The following ARHGEF4 variants were observed in gnomAD, a reference collection of about 807,000 sequenced individuals.
The protein encoded by ARHGEF4 is APC-stimulated guanine nucleotide exchange factor 1.
Under a neutral mutation model 162.0 loss-of-function variants are expected in ARHGEF4, and 119 were observed. The ratio of observed to expected loss-of-function variants is 0.73; its 90% CI spans 0.63 to 0.86. ARHGEF4 has a LOEUF of 0.86. ARHGEF4 is among the 40% of genes least tolerant of loss of function. The pLI, the probability that ARHGEF4 is intolerant of heterozygous loss-of-function variation, is 0.00. For synonymous variants in ARHGEF4, 1,014 were observed against 979.9 expected (o/e 1.03, Z -0.65); for missense variants, 2,488 against 2,456.0 (o/e 1.01, Z -0.28).
Position 130,916,795 on chromosome 2 carries a change from G to C in ARHGEF4, c.2849G>C (p.Gly950Ala). Reference protein sequence around the residue: ...GEKEKSRLRQGSWRAFLKSKD... With the variant: ...GEKEKSRLRQASWRAFLKSKD... ...AAGGAGAAGAGCAGGCTGCGCCAGG[G>C]TTCCTGGCGGGCGTTTCTGAAAAGC... The change falls in exon 2 of 14, where the codon GGT (glycine) becomes GCT (alanine). Residue 950 changes from glycine to alanine, a missense_variant. This residue lies in a region of ARHGEF4 where 1,642 missense variants were observed against 1,481.5 expected (regional missense o/e 1.11). Coordinates refer to ENST00000409359, the MANE Select transcript of ARHGEF4 (RefSeq NM_001367493.1). 3.9e-6 allele frequency: 6 copies of C among 1,550,452 alleles called. No individual in the cohort carries two copies. Among genetic ancestry groups the C allele is most frequent in the Non-Finnish European group, 5.2e-6 (6 of 1,147,010 alleles).
chr2:130,966,168 C>G (rs532578297), intron 4 of ARHGEF4, among the ~76,000 whole-genome samples: 8 of 152,332 alleles, frequency 5.3e-5, no homozygotes, highest in Non-Finnish European at 1.0e-4. Flanking sequence ...TCTTCATCCT[C>G]TCTGCCCCCA....
chr2:131,036,836 C>T (rs748058036), intron 5 of ARHGEF4, among the ~76,000 whole-genome samples: 3 of 152,340 alleles, frequency 2.0e-5, no homozygotes, highest in East Asian at 1.9e-4. Context: ...CTACAGCTCA[C>T]GCTCTCACTG....
chr2:130,988,525 A>G (rs1686672693), intron 4 of ARHGEF4, among the ~76,000 whole-genome samples: 1 of 152,214 alleles, frequency 6.6e-6, no homozygotes, highest in Admixed American at 6.5e-5. Flanking sequence ...CAAATCTCCA[A>G]CCCAGAAACA....
intron 4 of ARHGEF4, among the ~76,000 whole-genome samples, chr2:130,978,706 T>TA (rs1408209512): frequency 1.3e-5 from 2 of 151,328 alleles, no homozygotes; most frequent in East Asian, 3.9e-4. Context: ...TTTACAAAAG[T>TA]ATACTCAATA....
intron 1 of ARHGEF4, among the ~76,000 whole-genome samples, chr2:130,898,956 CATA>C (rs1364982083): frequency 6.6e-6 from 1 of 152,110 alleles, no homozygotes; most frequent in Non-Finnish European, 1.5e-5. Context: ...GCATGCAGCT[CATA>C]TTCCCAGCTT....
intron 2 of ARHGEF4, among the ~76,000 whole-genome samples, chr2:130,920,135 G>T (rs541673804): frequency 3.3e-5 from 5 of 152,122 alleles, no homozygotes; most frequent in African/African-American, 1.2e-4. Flanking sequence ...TTGATTCAGC[G>T]TCTTGCTCTG....
chr2:130,997,779 G>A (rs761302136), intron 4 of ARHGEF4, among the ~76,000 whole-genome samples: 56 of 152,274 alleles, frequency 3.7e-4, no homozygotes, highest in Non-Finnish European at 4.7e-4. Context: ...TTAGGGAACC[G>A]TTTGAGTATA....
rs895171440 is a variant in ARHGEF4, at chr2:130,914,681, C to T, written c.735C>T (p.His245=). 7.2e-7 allele frequency: 1 copy of T among 1,394,424 alleles called. No individual in the cohort carries two copies. The highest frequency in any genetic ancestry group is 9.3e-7 in the Non-Finnish European group (1 of 1,080,904). The allele number at this position is 1,394,424 out of a possible 1,614,324, so 86.4% of individuals were successfully genotyped here. A position where few individuals can be genotyped will look rare whatever the true frequency, so the allele number is the denominator to read the frequency against. The change falls in exon 2 of 14, where the codon CAC becomes CAT. Residue 245 remains histidine (H), a synonymous_variant. Transcript: ENST00000409359. ...TGGGTCGGAGTTGGCCACATATCCACAACAGGGCCAGGGCACTGGTGCTAC... is the reference window on the plus strand; with the variant it reads ...TGGGTCGGAGTTGGCCACATATCCATAACAGGGCCAGGGCACTGGTGCTAC... ...CELGRSWPHI[H]NRARALVLPS... is the part of the protein sequence containing the mutation.
intron 1 of ARHGEF4, among the ~76,000 whole-genome samples, chr2:130,907,989 G>C (rs1329988828): frequency 1.3e-5 from 2 of 151,798 alleles, no homozygotes; most frequent in Non-Finnish European, 2.9e-5. Flanking sequence ...ACTGGCTTTC[G>C]TGTGAGTATA....
intron 1 of ARHGEF4, among the ~76,000 whole-genome samples, chr2:130,905,216 A>C (rs577791415): frequency 2.6e-5 from 4 of 152,346 alleles, no homozygotes; most frequent in East Asian, 1.9e-4. Flanking sequence ...TAGCCCTTAT[A>C]AATTAAGTTT....
intron 5 of ARHGEF4, among the ~76,000 whole-genome samples, chr2:131,032,231 C>A (rs10199727): frequency 2.6e-5 from 4 of 151,774 alleles, no homozygotes; most frequent in African/African-American, 9.7e-5. Flanking sequence ...GAGCCAGGTC[C>A]GGCCTGGGGA....
chr2:131,045,899 A>G (rs1691212027), intron 13 of ARHGEF4, 139 bp from the exon 14 acceptor site: 2 of 1,493,500 alleles, frequency 1.3e-6, no homozygotes, highest in Non-Finnish European at 1.8e-6. Flanking sequence ...GCTCTCCAGG[A>G]GCAAGTCCTG....
At chr2:130,946,769 C>A in intron 4 of ARHGEF4, 134 bp downstream of exon 4, 1 of 1,312,254 alleles carries the variant, frequency 7.6e-7, no homozygotes, top group South Asian at 1.4e-5. Context: ...AACAATTGTC[C>A]TCTTCCTTCA....
chr2:131,045,312 G>C, intron 12 of ARHGEF4, 57 bp from the exon 13 acceptor site: 2 of 1,494,846 alleles, frequency 1.3e-6, no homozygotes, highest in Non-Finnish European at 9.2e-7. Context: ...GGTGTGCAGG[G>C]AACTGCACCT....
At position 130,844,295 on chromosome 2, in the gene ARHGEF4, C is replaced by G. The variant is rs543058404; in HGVS notation, c.39+7303C>G. On this transcript the variant is annotated intron_variant, in intron 1 of 13. Coordinates refer to ENST00000409359, the MANE Select transcript of ARHGEF4 (RefSeq NM_001367493.1). ...ATATTGCCCATTGGCCCATCCCTGG[C>G]TCCGGGACCCTCCACAGACGGGGAT... 2.5e-3 allele frequency among the ~76,000 whole-genome samples: 378 copies of G among 152,326 alleles called. 5 individuals carry two copies. The highest frequency in any genetic ancestry group is 4.5e-3 in the African/African-American group (188 of 41,576).
At chr2:130,905,165 A>G (rs1680743455) in intron 1 of ARHGEF4, among the ~76,000 whole-genome samples, 1 of 152,218 alleles carries the variant, frequency 6.6e-6, no homozygotes, top group Non-Finnish European at 1.5e-5. Flanking sequence ...TAATTATAGA[A>G]TACACAAAAT....
chr2:130,996,368 T>C (rs1230855094), intron 4 of ARHGEF4, among the ~76,000 whole-genome samples: 1 of 152,216 alleles, frequency 6.6e-6, no homozygotes. Flanking sequence ...TTATATTTTG[T>C]CTAGTTTTTC....
At chr2:130,963,333 AGCGCGCTCCCCCCGCCG>A (rs1384483356) in intron 4 of ARHGEF4, among the ~76,000 whole-genome samples, 1 of 151,716 alleles carries the variant, frequency 6.6e-6, no homozygotes, top group African/African-American at 2.4e-5. Context: ...GTCCCGTCTG[AGCGCGCTCCCCCCGCCG>A]GCGCGCACGC....
intron 1 of ARHGEF4, among the ~76,000 whole-genome samples, chr2:130,905,346 T>C (rs951531912): frequency 6.6e-5 from 10 of 152,192 alleles, no homozygotes; most frequent in Non-Finnish European, 8.8e-5. Flanking sequence ...TCAATGAACA[T>C]GTCACATTGC....
Sources: gnomAD v4.1 joint callset for allele counts (sites outside exome capture counted in the v4.1 genomes callset) on GRCh38, gnomAD v4.1.1 for gene constraint, gnomAD v4.1.1 regional missense constraint, MANE v1.5 for transcripts, NCBI Gene and HGNC (gene_info 2026-07-23, HGNC 2026-07-21) for gene names.